AFTPH: variants seen among roughly 807,000 people sequenced by gnomAD.
AFTPH encodes the protein aftiphilin protein.
AFTPH carries 7 observed loss-of-function variants against 72.5 expected under a neutral mutation model. The ratio of observed to expected loss-of-function variants is 0.10; its 90% CI spans 0.05 to 0.18. The LOEUF is 0.18. Ranked by LOEUF, AFTPH falls within the 10% of genes least tolerant of loss-of-function variation. The probability of loss-of-function intolerance (pLI) is 1.00; values close to 1 mark genes in which losing one functional copy is unlikely to be tolerated. For synonymous variants in AFTPH, 337 were observed against 370.1 expected (o/e 0.91, Z 1.03); for missense variants, 979 against 1,060.5 (o/e 0.92, Z 1.07).
intron 2 of AFTPH, among the ~76,000 whole-genome samples, chr2:64,557,081 AT>A (rs142432826): frequency 6.6e-6 from 1 of 151,300 alleles, no homozygotes; most frequent in East Asian, 1.9e-4. Context: ...TATTTTAACA[AT>A]TTTTTTTTCT....
In AFTPH at chr2:64,550,732, A is replaced by AC. The variant is rs1558605124; in HGVS notation, c.-32-710dup. 9.4e-5 allele frequency among the ~76,000 whole-genome samples: 10 copies of AC among 106,782 alleles called. No individual in the cohort carries two copies. In the South Asian group the frequency reaches 1.2e-3, roughly 13 times the overall value. The allele number at this position is 106,782 out of a possible 152,430, so 70.1% of individuals were successfully genotyped here. A position where few individuals can be genotyped will look rare whatever the true frequency, so the allele number is the denominator to read the frequency against. ...ACACACACACACACACACACACACA[A>AC]CTGGTGAAATCCAAACAAGGTCTGT... On this transcript the variant is annotated intron_variant, in intron 1 of 8. Transcript: ENST00000238856.
chr2:64,581,699 T>G (rs3770730), intron 7 of AFTPH, among the ~76,000 whole-genome samples: 18,087 of 152,198 alleles, frequency 0.12, 3,017 homozygotes, highest in African/African-American at 0.37. Context: ...TGTAATAATA[T>G]AACCTTTACA....
intron 1 of AFTPH, among the ~76,000 whole-genome samples, chr2:64,530,239 G>A (rs1314170624): frequency 6.6e-6 from 1 of 152,060 alleles, no homozygotes; most frequent in African/African-American, 2.4e-5. Flanking sequence ...ATATATATGT[G>A]TACTTTTTAC....
intron 1 of AFTPH, among the ~76,000 whole-genome samples, chr2:64,530,047 T>C (rs1280196978): frequency 6.6e-6 from 1 of 151,946 alleles, no homozygotes; most frequent in East Asian, 1.9e-4. Flanking sequence ...TCCTGGCTAC[T>C]GAGGAGACTG....
intron 1 of AFTPH, among the ~76,000 whole-genome samples, chr2:64,528,797 T>C (rs1572932001): frequency 6.6e-6 from 1 of 152,134 alleles, no homozygotes; most frequent in South Asian, 2.1e-4. Context: ...GGCAGTGTTT[T>C]AGGGTCCTTA....
intron 6 of AFTPH, among the ~76,000 whole-genome samples, chr2:64,578,680 C>T (rs1330738181): frequency 6.6e-6 from 1 of 151,944 alleles, no homozygotes; most frequent in Non-Finnish European, 1.5e-5. Flanking sequence ...GCCTCAGCCT[C>T]CCAAGTAGCT....
Position 64,586,494 on chromosome 2 carries a change from TTC to T in AFTPH, c.2579+957_2579+958del, listed in dbSNP as rs546956614. ...CTTTTTTATTGTGAATAATAAATGT[TTC>T]TCTCTCTTAACTTTAGCTTGAATTA... On this transcript the variant is annotated intron_variant, in intron 8 of 8. Transcript: ENST00000238856. 3.0e-4 allele frequency among the ~76,000 whole-genome samples: 45 copies of T among 152,362 alleles called. 1 individual carries two copies. In the South Asian group the frequency reaches 3.7e-3, roughly 13 times the overall value.
Position 64,550,380 on chromosome 2 carries a change from A to G in AFTPH, c.-32-1063A>G, listed in dbSNP as rs146860417. Among the ~76,000 whole-genome samples, 372 of 152,296 alleles carry G rather than the reference A, an allele frequency of 2.4e-3. 1 individual carries two copies. Among genetic ancestry groups the G allele is most frequent in the African/African-American group, 8.4e-3 (349 of 41,554 alleles). ...CTGTCTCTGAAAAAAGAAAAAGAAA[A>G]GGAATGAACTGTTGACAAATGCAGC... is the stretch of plus-strand genomic sequence containing the variant. On this transcript the variant is annotated intron_variant, in intron 1 of 8. Transcript: ENST00000238856.
chr2:64,538,379 T>C (rs1234685671), intron 1 of AFTPH, among the ~76,000 whole-genome samples: 1 of 152,246 alleles, frequency 6.6e-6, no homozygotes, highest in Non-Finnish European at 1.5e-5. Flanking sequence ...TTGTTCTCCA[T>C]GGAATTCCTT....
At chr2:64,573,750 T>G (rs1039374211) in intron 6 of AFTPH, among the ~76,000 whole-genome samples, 2 of 152,084 alleles carry the variant, frequency 1.3e-5, no homozygotes, top group South Asian at 4.1e-4. Flanking sequence ...CTCTGCCTCC[T>G]GGGTTCAAGC....
chr2:64,538,188 A>C (rs1165491793), intron 1 of AFTPH, among the ~76,000 whole-genome samples: 1 of 152,146 alleles, frequency 6.6e-6, no homozygotes, highest in African/African-American at 2.4e-5. Context: ...AAATGTGTGA[A>C]AAATTCTGCT....
intron 1 of AFTPH, among the ~76,000 whole-genome samples, chr2:64,532,626 A>G (rs1302098385): frequency 6.6e-6 from 1 of 152,224 alleles, no homozygotes; most frequent in Non-Finnish European, 1.5e-5. Context: ...CTGGAACATG[A>G]CCAGCTTTAA....
At chr2:64,544,696 A>C (rs1670461139) in intron 1 of AFTPH, among the ~76,000 whole-genome samples, 2 of 144,596 alleles carry the variant, frequency 1.4e-5, no homozygotes, top group East Asian at 4.1e-4. Flanking sequence ...GTAATACTTC[A>C]ATTAACATGA....
At chr2:64,591,838 C>T in intron 8 of AFTPH, 50 bp from the exon 10 acceptor site, 2 of 1,597,926 alleles carry the variant, frequency 1.3e-6, no homozygotes, top group Admixed American at 1.7e-5. Flanking sequence ...CCCATTTTAC[C>T]TACAGCAAAG....
chr2:64,572,802 TTA>T (rs1672522643), intron 5 of AFTPH, 142 bp from the exon 6 acceptor site: 2 of 1,107,112 alleles, frequency 1.8e-6, no homozygotes, highest in Non-Finnish European at 1.2e-6. Flanking sequence ...ACCTTGTCTC[TTA>T]AAAAAAAAAA....
At chr2:64,556,298 T>A (rs892015322) in intron 2 of AFTPH, among the ~76,000 whole-genome samples, 1 of 152,210 alleles carries the variant, frequency 6.6e-6, no homozygotes. Context: ...TCCTCACATA[T>A]TAATAACAGT....
intron 6 of AFTPH, among the ~76,000 whole-genome samples, chr2:64,577,933 G>T (rs1467419252): frequency 6.6e-6 from 1 of 152,088 alleles, no homozygotes; most frequent in East Asian, 1.9e-4. Flanking sequence ...TATCACATAG[G>T]TAGATTCCTG....
intron 7 of AFTPH, 67 bp downstream of exon 7, chr2:64,579,613 CTT>C: frequency 7.4e-7 from 1 of 1,342,802 alleles, no homozygotes; most frequent in Non-Finnish European, 1.1e-6. Context: ...TTCAGACAAA[CTT>C]CTCTCTGCTG....
chr2:64,559,990 C>G (rs1671620995), intron 2 of AFTPH, among the ~76,000 whole-genome samples: 1 of 152,162 alleles, frequency 6.6e-6, no homozygotes, highest in South Asian at 2.1e-4. Context: ...AGGCATGAGC[C>G]ACCATGCTCC....
Sources: gnomAD v4.1 joint callset for allele counts (sites outside exome capture counted in the v4.1 genomes callset) on GRCh38, gnomAD v4.1.1 for gene constraint, MANE v1.5 for transcripts, NCBI Gene and HGNC (gene_info 2026-07-23, HGNC 2026-07-21) for gene names.